The following GCSAML variants were observed in gnomAD, a reference collection of about 807,000 sequenced individuals.
The protein encoded by GCSAML is germinal center-associated signaling and motility-like protein.
GCSAML carries 9 observed loss-of-function variants against 13.0 expected under a neutral mutation model. That is an observed-to-expected ratio of 0.69 (90% CI 0.42 to 1.21). GCSAML has a LOEUF of 1.21. GCSAML is among the 50% of genes most tolerant of loss of function. The pLI is 0.00. For missense variants in GCSAML, 143 were observed against 153.4 expected (o/e 0.93, Z 0.36); for synonymous variants, 37 against 52.9 (o/e 0.70, Z 1.31).
Position 247,522,318 on chromosome 1 carries a change from G to A in GCSAML, c.-262-4622G>A, listed in dbSNP as rs1214457736. On this transcript the variant is annotated intron_variant, in intron 1 of 5. Transcript: ENST00000366489. The stretch of plus-strand genomic sequence containing the variant: ...AGGTGGGGGGCGCCTCCACCTGGCC[G>A]CCGCCCCGTCTGGGAGGTGGGGGAC... Among the ~76,000 whole-genome samples, 8 of 79,594 alleles carry A rather than the reference G, an allele frequency of 1.0e-4. 3 individuals are homozygous for A. The highest frequency in any genetic ancestry group is 1.7e-4 in the Non-Finnish European group (6 of 35,286). 52.2% of individuals were successfully genotyped at this position (79,594 alleles called of 152,430 possible).
At position 247,574,427 on chromosome 1, in the gene GCSAML, A is replaced by G; in HGVS notation, c.*45A>G. On this transcript the variant is annotated 3_prime_UTR_variant, in exon 5 of 5. Coordinates refer to ENST00000366488, the MANE Select transcript of GCSAML (RefSeq NM_145278.5). ...CACCTTCCAGCAATGAAGACAATGC[A>G]GAATAGCAGACTCTGGCGAAGTTGT... 1.2e-6 allele frequency: 2 copies of G among 1,601,342 alleles called. No individual in the cohort carries two copies. The highest frequency in any genetic ancestry group is 1.3e-5 in the African/African-American group (1 of 74,802).
intron 2 of GCSAML, chr1:247,532,053 ACC>A (rs745467477): frequency 1.2e-6 from 2 of 1,613,720 alleles, no homozygotes; most frequent in Middle Eastern, 1.6e-4. Flanking sequence ...TGGTGGTCAG[ACC>A]CCCCAGCCAG....
upstream of GCSAML, among the ~76,000 whole-genome samples, chr1:247,546,714 G>A (rs1667594612): frequency 6.6e-6 from 1 of 152,072 alleles, no homozygotes; most frequent in South Asian, 2.1e-4. Flanking sequence ...ATGTGCAAAG[G>A]ATGATCCTAT....
intron 2 of GCSAML, chr1:247,528,429 G>A (rs940195732): frequency 2.0e-5 from 3 of 152,156 alleles, no homozygotes; most frequent in African/African-American, 7.2e-5. Flanking sequence ...GAACCTAGAA[G>A]ACATTGTGTT....
chr1:247,544,399 T>C (rs1187945985), upstream of GCSAML, among the ~76,000 whole-genome samples: 2 of 152,216 alleles, frequency 1.3e-5, no homozygotes, highest in African/African-American at 4.8e-5. Flanking sequence ...GCCCGGCAGC[T>C]GCACGTAGGG....
rs142310467 is a variant in GCSAML at position 247,510,800 on chromosome 1, T to C, written c.-263+3567T>C. On this transcript the variant is annotated intron_variant, in intron 1 of 5. Coordinates refer to the GCSAML transcript ENST00000366489. ...AGGTTGTTCAGTTTTCATGCAGTTT[T>C]GTGGCTTTGAGTGAGTTTCCTAATC... Among the ~76,000 whole-genome samples, 1,321 of 152,346 alleles carry C rather than the reference T, an allele frequency of 8.7e-3. 14 individuals carry two copies. The highest frequency in any genetic ancestry group is 0.03 in the African/African-American group (1,242 of 41,576).
upstream of GCSAML, among the ~76,000 whole-genome samples, chr1:247,546,192 C>T (rs116645116): frequency 4.7e-3 from 717 of 152,038 alleles, 5 homozygotes; most frequent in African/African-American, 0.016. Context: ...GGGACGGTTT[C>T]GCTCTGTTGC....
chr1:247,507,903 C>G (rs1665884178), intron 1 of GCSAML, among the ~76,000 whole-genome samples: 1 of 152,178 alleles, frequency 6.6e-6, no homozygotes, highest in African/African-American at 2.4e-5. Flanking sequence ...TTTTCTTTAT[C>G]CAGTCTATCA....
chr1:247,538,684 C>T, intron 2 of GCSAML: 2 of 454,314 alleles, frequency 4.4e-6, no homozygotes, highest in Non-Finnish European at 4.4e-6. Flanking sequence ...AGAGGAAAGG[C>T]CAGATGAGGA....
intron 1 of GCSAML, among the ~76,000 whole-genome samples, chr1:247,552,618 T>G (rs1265448528): frequency 6.6e-6 from 1 of 152,220 alleles, no homozygotes; most frequent in Non-Finnish European, 1.5e-5. Context: ...CTTTGAAGAC[T>G]TTATCCTCCC....
Position 247,527,220 on chromosome 1 carries a change from A to G in GCSAML, c.-148+166A>G. ...ATGGTCATCATTCTCCTCTGTGCCAAACAGGGGCTGATGGATGGTCAGGGC... is the reference window on the plus strand; with the variant it reads ...ATGGTCATCATTCTCCTCTGTGCCAGACAGGGGCTGATGGATGGTCAGGGC... On this transcript the variant is annotated intron_variant, in intron 2 of 5. Coordinates refer to the GCSAML transcript ENST00000366489. The surrounding 1 kb of genome is among the most constrained non-coding windows in gnomAD (Gnocchi z 4.6). 1 of 384,566 alleles carries G rather than the reference A, an allele frequency of 2.6e-6. No individual in the cohort carries two copies. Among genetic ancestry groups the G allele is most frequent in the Middle Eastern group, 4.0e-4 (1 of 2,474 alleles). 23.8% of individuals were successfully genotyped at this position (384,566 alleles called of 1,614,324 possible).
At chr1:247,522,671 G>A (rs1433933935) in intron 1 of GCSAML, among the ~76,000 whole-genome samples, 1 of 151,116 alleles carries the variant, frequency 6.6e-6, no homozygotes, top group African/African-American at 2.4e-5. Context: ...AATGGATTAA[G>A]GGCGGTGCAA....
At chr1:247,513,696 T>C (rs549473524) in intron 1 of GCSAML, among the ~76,000 whole-genome samples, 1 of 152,302 alleles carries the variant, frequency 6.6e-6, no homozygotes, top group East Asian at 1.9e-4. Context: ...AAAATCATAG[T>C]ATCTGGGGCT....
chr1:247,534,265 C>A (rs1667128311), intron 2 of GCSAML, among the ~76,000 whole-genome samples: 1 of 152,140 alleles, frequency 6.6e-6, no homozygotes, highest in Admixed American at 6.5e-5. Flanking sequence ...ACCTCTGGGT[C>A]CCCAGTGTCT....
At chr1:247,510,167 C>T (rs1318052320) in intron 1 of GCSAML, among the ~76,000 whole-genome samples, 1 of 152,122 alleles carries the variant, frequency 6.6e-6, no homozygotes, top group East Asian at 1.9e-4. Context: ...TTAATTACTG[C>T]CTCAATTTGA....
intron 1 of GCSAML, among the ~76,000 whole-genome samples, chr1:247,514,297 A>G (rs192029515): frequency 3.4e-3 from 516 of 152,224 alleles, no homozygotes; most frequent in Non-Finnish European, 5.3e-3. Context: ...TTCTTTTAAG[A>G]ATTGTCTATT....
chr1:247,562,947 C>G (rs1007255468), intron 2 of GCSAML, among the ~76,000 whole-genome samples: 1 of 151,916 alleles, frequency 6.6e-6, no homozygotes, highest in Admixed American at 6.6e-5. Flanking sequence ...TCAAGCAATT[C>G]CCCTGCCTCA....
chr1:247,555,399 G>A (rs1057061607), intron 1 of GCSAML, among the ~76,000 whole-genome samples: 6 of 152,156 alleles, frequency 3.9e-5, no homozygotes, highest in African/African-American at 7.2e-5. Context: ...GACTGTGATC[G>A]TGACTATTAT....
intron 1 of GCSAML, among the ~76,000 whole-genome samples, chr1:247,515,429 C>G (rs1558233046): frequency 6.6e-6 from 1 of 152,194 alleles, no homozygotes; most frequent in African/African-American, 2.4e-5. Flanking sequence ...GGAATGGTAA[C>G]TAATTAATAT....
Sources: allele counts gnomAD v4.1 joint callset (sites outside exome capture counted in the v4.1 genomes callset), GRCh38; gene constraint gnomAD v4.1.1; non-coding constraint Gnocchi (gnomAD v3.1); transcripts MANE v1.5; gene names NCBI Gene and HGNC (gene_info 2026-07-23, HGNC 2026-07-21).